The following NDUFA9 variants were observed in gnomAD, a reference collection of about 807,000 sequenced individuals.
The protein encoded by NDUFA9 is NADH:ubiquinone oxidoreductase subunit A9, also known as NADH dehydrogenase [ubiquinone] 1 alpha subcomplex subunit 9, mitochondrial.
In NDUFA9, 23 loss-of-function variants were observed where a neutral mutation model predicts 45.9. The ratio of observed to expected loss-of-function variants is 0.50; its 90% confidence interval spans 0.36 to 0.71. The LOEUF is 0.71. NDUFA9 is among the 30% of genes least tolerant of loss of function. The pLI is 0.00. For missense variants in NDUFA9, 466 were observed against 488.2 expected (o/e 0.95, Z 0.43); for synonymous variants, 176 against 170.5 (o/e 1.03, Z -0.25).
Position 4,687,207 on chromosome 12 carries a change from T to A in NDUFA9, c.*99T>A. 8.9e-7 allele frequency: 1 copy of A among 1,122,254 alleles called. No individual in the cohort carries two copies. The highest frequency in any genetic ancestry group is 1.6e-5 in the African/African-American group (1 of 63,398). The allele number at this position is 1,122,254 out of a possible 1,614,324, so 69.5% of individuals were successfully genotyped here. A position where few individuals can be genotyped will look rare whatever the true frequency, so the allele number is the denominator to read the frequency against. On this transcript the variant is annotated 3_prime_UTR_variant, in exon 11 of 11. Transcript: ENST00000266544. ...CTCTTTAGAGGATCCTGTACACAGT[T>A]CCACTATTAAAACATTTCAGGTTGA...
intron 6 of NDUFA9, among the ~76,000 whole-genome samples, chr12:4,665,863 A>G (rs1434750011): frequency 2.0e-5 from 3 of 151,744 alleles, no homozygotes; most frequent in Admixed American, 6.6e-5. Flanking sequence ...AGGCAGTGAT[A>G]CAATCACAGC....
At chr12:4,664,414 T>C (rs1207340665) in intron 6 of NDUFA9, among the ~76,000 whole-genome samples, 2 of 152,226 alleles carry the variant, frequency 1.3e-5, no homozygotes, top group African/African-American at 4.8e-5. Context: ...ACAGAGCTAT[T>C]TGGCTGTGAA....
At chr12:4,660,064 G>A (rs1463763407) in intron 5 of NDUFA9, among the ~76,000 whole-genome samples, 1 of 152,044 alleles carries the variant, frequency 6.6e-6, no homozygotes, top group Non-Finnish European at 1.5e-5. Flanking sequence ...GTGAGGAAGA[G>A]AGAAGAGTCA....
At chr12:4,668,573 G>T (rs1387350867) in intron 7 of NDUFA9, 49 bp downstream of exon 7, 1 of 1,475,508 alleles carries the variant, frequency 6.8e-7, no homozygotes, top group South Asian at 1.1e-5. Flanking sequence ...GATGAATTCA[G>T]ATTTGAGTGA....
Position 4,688,234 on chromosome 12 carries a change from G to A in NDUFA9, c.*1126G>A, listed in dbSNP as rs1945999227. The A allele has an allele frequency of 6.6e-6, 1 of 152,278 alleles. No individual in the cohort carries two copies. The highest frequency in any genetic ancestry group is 1.5e-5 in the Non-Finnish European group (1 of 68,182). 9.4% of individuals were successfully genotyped at this position (152,278 alleles called of 1,614,324 possible). A position where few individuals can be genotyped will look rare whatever the true frequency, so the allele number is the denominator to read the frequency against. On this transcript the variant is annotated 3_prime_UTR_variant, in exon 11 of 11. Coordinates refer to ENST00000266544, the MANE Select transcript of NDUFA9 (RefSeq NM_005002.5). ...AGTGGCTCACACCTGTAATCCCAAC[G>A]CTTTTGAGTTGCTGTGGTGGGACGG...
chr12:4,666,653 G>T (rs1195810291), intron 6 of NDUFA9, among the ~76,000 whole-genome samples: 1 of 152,076 alleles, frequency 6.6e-6, no homozygotes, highest in Non-Finnish European at 1.5e-5. Context: ...AATGGTCTTG[G>T]TGCTTTTGTC....
chr12:4,657,184 CT>C (rs1290963027), intron 3 of NDUFA9: 1 of 152,522 alleles, frequency 6.6e-6, no homozygotes, highest in East Asian at 1.9e-4. Context: ...AGGTAGTTCT[CT>C]TTGACTCTTG....
In NDUFA9 at chr12:4,690,317, A is replaced by AT. The variant is rs1209346076; in HGVS notation, c.*3211dup. 6.6e-6 allele frequency: 1 copy of AT among 152,190 alleles called. No homozygotes were observed. Among genetic ancestry groups the AT allele is most frequent in the East Asian group, 1.9e-4 (1 of 5,200 alleles). 9.4% of individuals were successfully genotyped at this position (152,190 alleles called of 1,614,324 possible). ...TGTTTACCTTCTGATTCTACTTTAA[A>AT]TTCCGTTCATGTTCTTCCTTGGCCC... On this transcript the variant is annotated 3_prime_UTR_variant, in exon 11 of 11. Transcript: ENST00000266544.
In NDUFA9 at chr12:4,654,897, G is replaced by C; in HGVS notation, c.293G>C (p.Gly98Ala). The change falls in exon 3 of 11, where the codon GGT (glycine) becomes GCT (alanine). Residue 98 changes from glycine to alanine, a missense_variant. Physicochemically the swap from Gly to Ala is moderately conservative, Grantham distance 60. Coordinates refer to ENST00000266544, the MANE Select transcript of NDUFA9 (RefSeq NM_005002.5). ...GACATCATGCACCTTCGTCCCATGG[G>C]TGACCTGGGCCAGCTTCTGTTTCTG... ...KYDIMHLRPM[G>A]DLGQLLFLEW... is the part of the protein sequence containing the mutation. The C allele has an allele frequency of 6.2e-7, 1 of 1,613,806 alleles. No individual in the cohort carries two copies. The highest frequency in any genetic ancestry group is 8.5e-7 in the Non-Finnish European group (1 of 1,179,854).
intron 6 of NDUFA9, among the ~76,000 whole-genome samples, chr12:4,664,648 C>T (rs190557813): frequency 6.6e-6 from 1 of 152,244 alleles, no homozygotes; most frequent in Non-Finnish European, 1.5e-5. Context: ...TGACCCTCTG[C>T]CCAGGAGAGC....
At chr12:4,661,160 C>T (rs1441310471) in intron 5 of NDUFA9, among the ~76,000 whole-genome samples, 1 of 152,088 alleles carries the variant, frequency 6.6e-6, no homozygotes, top group East Asian at 1.9e-4. Context: ...GGCACTGTTC[C>T]TCCCATCAGG....
intron 1 of NDUFA9, among the ~76,000 whole-genome samples, chr12:4,649,801 A>G (rs1398378152): frequency 6.6e-6 from 1 of 152,194 alleles, no homozygotes; most frequent in Non-Finnish European, 1.5e-5. Context: ...GGTGGAAAGG[A>G]AAGTGAAGAA....
intron 1 of NDUFA9, among the ~76,000 whole-genome samples, chr12:4,649,580 T>G (rs1397377463): frequency 6.6e-6 from 1 of 152,210 alleles, no homozygotes; most frequent in Non-Finnish European, 1.5e-5. Flanking sequence ...TATGACCTTG[T>G]GCAAACCCTT....
At chr12:4,669,429 A>C (rs1041537496) in intron 7 of NDUFA9, among the ~76,000 whole-genome samples, 2 of 152,254 alleles carry the variant, frequency 1.3e-5, no homozygotes, top group Admixed American at 6.5e-5. Flanking sequence ...GCCTCAAGCT[A>C]TCTGAAGGTA....
intron 6 of NDUFA9, among the ~76,000 whole-genome samples, chr12:4,663,368 C>T (rs1171765112): frequency 6.6e-6 from 1 of 152,134 alleles, no homozygotes; most frequent in Non-Finnish European, 1.5e-5. Flanking sequence ...ATTGCGCCCC[C>T]TCATAATTCG....
chr12:4,653,853 C>T (rs916328862), intron 1 of NDUFA9, among the ~76,000 whole-genome samples: 16 of 151,924 alleles, frequency 1.1e-4, no homozygotes, highest in African/African-American at 3.9e-4. Flanking sequence ...TTCATTCTAC[C>T]TCTGCATTGT....
chr12:4,668,617 C>A, intron 7 of NDUFA9, 93 bp downstream of exon 7: 2 of 1,155,512 alleles, frequency 1.7e-6, no homozygotes, highest in Non-Finnish European at 1.3e-6. Flanking sequence ...TTTAGTAACT[C>A]TGTCATTTTC....
intron 8 of NDUFA9, among the ~76,000 whole-genome samples, chr12:4,681,604 A>G (rs954690608): frequency 9.4e-5 from 14 of 148,718 alleles, no homozygotes; most frequent in African/African-American, 3.4e-4. Flanking sequence ...AATTTATATA[A>G]TTATCTAAAA....
At position 4,654,203 on chromosome 12, in the gene NDUFA9, C is replaced by G. The variant is rs1268766315; in HGVS notation, c.50-89C>G. 5 of 1,293,290 alleles carry G rather than the reference C, an allele frequency of 3.9e-6. No individual in the cohort carries two copies. In the East Asian group the frequency reaches 1.2e-4, roughly 31 times the overall value. The allele number at this position is 1,293,290 out of a possible 1,614,324, so 80.1% of individuals were successfully genotyped here. A position where few individuals can be genotyped will look rare whatever the true frequency, so the allele number is the denominator to read the frequency against. Reference sequence around the variant, plus strand: ...AAGTACTGATTGCAAAATAATGTTACAAGTTTTTAGAGAAAGGAGCTATTT... The same window carrying G: ...AAGTACTGATTGCAAAATAATGTTAGAAGTTTTTAGAGAAAGGAGCTATTT... On this transcript the variant is annotated intron_variant, in intron 1 of 10. Transcript: ENST00000266544.
Sources: allele counts gnomAD v4.1 joint callset (sites outside exome capture counted in the v4.1 genomes callset), GRCh38; gene constraint gnomAD v4.1.1; transcripts MANE v1.5; gene names NCBI Gene and HGNC (gene_info 2026-07-23, HGNC 2026-07-21).